SDC2: variants seen among roughly 807,000 people sequenced by gnomAD.
SDC2 encodes the protein syndecan-2.
Under a neutral mutation model 22.2 loss-of-function variants are expected in SDC2, and 13 were observed. The ratio of observed to expected loss-of-function variants is 0.59; its 90% CI spans 0.38 to 0.93. The LOEUF is 0.93. Among genes scored for constraint, SDC2 ranks in the 40% least tolerant of loss-of-function variants. The probability of loss-of-function intolerance (pLI) is 0.00; values close to 1 mark genes in which losing one functional copy is unlikely to be tolerated. For missense variants in SDC2, 235 were observed against 246.8 expected (o/e 0.95, Z 0.32); for synonymous variants, 94 against 92.8 (o/e 1.01, Z -0.07).
chr8:96,513,938 T>G (rs1335794314), intron 1 of SDC2, among the ~76,000 whole-genome samples: 1 of 152,200 alleles, frequency 6.6e-6, no homozygotes, highest in Non-Finnish European at 1.5e-5. Context: ...GTCGCTGACC[T>G]TTATAGCTTC....
chr8:96,512,090 C>G (rs921365773), intron 1 of SDC2, among the ~76,000 whole-genome samples: 1 of 152,100 alleles, frequency 6.6e-6, no homozygotes, highest in South Asian at 2.1e-4. Context: ...GAGAACATAC[C>G]CATTCCTTTT....
intron 2 of SDC2, among the ~76,000 whole-genome samples, chr8:96,596,901 G>T (rs558389118): frequency 4.6e-5 from 7 of 152,210 alleles, no homozygotes; most frequent in Non-Finnish European, 8.8e-5. Flanking sequence ...AAGCAACCCA[G>T]TTAACACAGC....
Position 96,611,297 on chromosome 8 carries a change from CT to C in SDC2, c.*1750del, listed in dbSNP as rs963553083. The C allele has an allele frequency of 6.6e-6, 1 of 152,372 alleles. No individual in the cohort carries two copies. The highest frequency in any genetic ancestry group is 2.4e-5 in the African/African-American group (1 of 41,438). The allele number at this position is 152,372 out of a possible 1,614,324, so 9.4% of individuals were successfully genotyped here. A position where few individuals can be genotyped will look rare whatever the true frequency, so the allele number is the denominator to read the frequency against. On this transcript the variant is annotated 3_prime_UTR_variant, in exon 5 of 5. Transcript: ENST00000302190. The stretch of plus-strand genomic sequence containing the variant: ...ATTTTACCACTAATTTTGTTTTAAA[CT>C]GTGAGCCGTCCAAGTCAGAAGAAGA...
At chr8:96,569,548 T>C (rs2053647) in intron 1 of SDC2, among the ~76,000 whole-genome samples, 100,466 of 152,034 alleles carry the variant, frequency 0.66, 35,456 homozygotes, top group Non-Finnish European at 0.81. Context: ...TAGTAGGTAC[T>C]TAAATATTTG....
chr8:96,494,179 T>G lies in SDC2; in HGVS notation c.-93T>G. On this transcript the variant is annotated 5_prime_UTR_variant, in exon 1 of 5. Coordinates refer to ENST00000302190, the MANE Select transcript of SDC2 (RefSeq NM_002998.4). ...AATCGCTGCGGTACTCTGCTCCGGA[T>G]TCGTGTGCGCGGGCTGCGCCGAGCG... The G allele has an allele frequency of 6.1e-6, 8 of 1,316,354 alleles. No individual in the cohort carries two copies. The highest frequency in any genetic ancestry group is 8.4e-6 in the Non-Finnish European group (8 of 955,254). The allele number at this position is 1,316,354 out of a possible 1,614,324, so 81.5% of individuals were successfully genotyped here. A position where few individuals can be genotyped will look rare whatever the true frequency, so the allele number is the denominator to read the frequency against.
chr8:96,538,174 C>G (rs1289586308), intron 1 of SDC2, among the ~76,000 whole-genome samples: 3 of 152,110 alleles, frequency 2.0e-5, no homozygotes, highest in African/African-American at 7.2e-5. Flanking sequence ...GTTGGTCAGG[C>G]TGGTCTTGAA....
Position 96,608,210 on chromosome 8 carries a change from T to G in SDC2, c.307-125T>G, listed in dbSNP as rs1220811021. 4 of 792,428 alleles carry G rather than the reference T, an allele frequency of 5.0e-6. No homozygotes were observed. The Admixed American group carries it at 8.2e-5, about 16-fold the overall frequency. 49.1% of individuals were successfully genotyped at this position (792,428 alleles called of 1,614,324 possible). ...GCTATAAACATCACACAAGTGATTA[T>G]TCCAGTTATTTCCTAAACTCATTCT... On this transcript the variant is annotated intron_variant, in intron 3 of 4. Coordinates refer to ENST00000302190, the MANE Select transcript of SDC2 (RefSeq NM_002998.4).
intron 1 of SDC2, among the ~76,000 whole-genome samples, chr8:96,542,090 G>C (rs1269915349): frequency 5.3e-5 from 8 of 152,090 alleles, no homozygotes; most frequent in African/African-American, 1.9e-4. Context: ...ACCAGAAATG[G>C]CTCTCTTTGT....
chr8:96,571,261 G>A (rs7831863), intron 1 of SDC2, among the ~76,000 whole-genome samples: 82,344 of 151,864 alleles, frequency 0.54, 24,265 homozygotes, highest in Non-Finnish European at 0.67. Flanking sequence ...TGAAATGAGA[G>A]GGAACTGACC....
In SDC2 at chr8:96,583,059, A is replaced by AT. The variant is rs60193555; in HGVS notation, c.61-10399dup. 4.5e-3 allele frequency among the ~76,000 whole-genome samples: 480 copies of AT among 107,222 alleles called. 8 individuals carry two copies. The highest frequency in any genetic ancestry group is 0.033 in the East Asian group (129 of 3,956). The allele number at this position is 107,222 out of a possible 152,430, so 70.3% of individuals were successfully genotyped here. A position where few individuals can be genotyped will look rare whatever the true frequency, so the allele number is the denominator to read the frequency against. On this transcript the variant is annotated intron_variant, in intron 1 of 4. Transcript: ENST00000302190. ...TGAGTTGGCATTTTTCTGAAGTGTG[A>AT]TTTTTTTTTTTTTTTTTTTTTTAGT...
intron 1 of SDC2, among the ~76,000 whole-genome samples, chr8:96,522,983 CTTG>C (rs1287760969): frequency 2.0e-5 from 3 of 152,256 alleles, no homozygotes; most frequent in African/African-American, 7.2e-5. Flanking sequence ...CTTTTCACTG[CTTG>C]TTACTTGGCG....
At chr8:96,571,219 G>A (rs541833341) in intron 1 of SDC2, among the ~76,000 whole-genome samples, 2 of 152,304 alleles carry the variant, frequency 1.3e-5, no homozygotes, top group African/African-American at 4.8e-5. Flanking sequence ...GTCAGGAAAG[G>A]CCTCTTTGGA....
intron 2 of SDC2, among the ~76,000 whole-genome samples, chr8:96,594,773 C>G (rs1237592659): frequency 1.3e-5 from 2 of 152,148 alleles, no homozygotes; most frequent in Non-Finnish European, 2.9e-5. Flanking sequence ...CTGGGGAGGT[C>G]TCAGGAAACT....
chr8:96,497,400 C>G (rs564994051), intron 1 of SDC2, among the ~76,000 whole-genome samples: 9 of 152,222 alleles, frequency 5.9e-5, no homozygotes, highest in African/African-American at 2.2e-4. Context: ...AAAGATCAGG[C>G]TTGCAGAAAA....
At chr8:96,570,298 G>A (rs1050831393) in intron 1 of SDC2, among the ~76,000 whole-genome samples, 1 of 152,186 alleles carries the variant, frequency 6.6e-6, no homozygotes, top group African/African-American at 2.4e-5. Flanking sequence ...TTTTGTTCCA[G>A]ATAGTACAGG....
intron 1 of SDC2, among the ~76,000 whole-genome samples, chr8:96,528,515 A>C (rs1469055631): frequency 6.6e-6 from 1 of 152,238 alleles, no homozygotes; most frequent in Non-Finnish European, 1.5e-5. Context: ...AAAAATGTTA[A>C]AATAAATTCC....
chr8:96,600,584 G>T (rs896036077), intron 2 of SDC2, among the ~76,000 whole-genome samples: 2 of 152,198 alleles, frequency 1.3e-5, no homozygotes, highest in East Asian at 3.9e-4. Flanking sequence ...GGTCACAGTG[G>T]CTTGGATTGG....
intron 1 of SDC2, among the ~76,000 whole-genome samples, chr8:96,532,597 A>C (rs936529738): frequency 1.2e-4 from 19 of 152,078 alleles, no homozygotes; most frequent in African/African-American, 4.4e-4. Context: ...CATTAGACTA[A>C]GAATGCATGT....
chr8:96,530,461 C>T (rs1242084878), intron 1 of SDC2, among the ~76,000 whole-genome samples: 5 of 152,048 alleles, frequency 3.3e-5, no homozygotes, highest in South Asian at 2.1e-4. Context: ...TGGTGAAACC[C>T]CGTCTCTACT....
Sources: gnomAD v4.1 joint callset for allele counts (sites outside exome capture counted in the v4.1 genomes callset) on GRCh38, gnomAD v4.1.1 for gene constraint, MANE v1.5 for transcripts, NCBI Gene and HGNC (gene_info 2026-07-23, HGNC 2026-07-21) for gene names.